DAB1: variants seen among roughly 807,000 people sequenced by gnomAD.
DAB1 encodes the protein disabled homolog 1.
A neutral mutation model predicts 64.6 loss-of-function variants in DAB1; 15 were observed. That is an observed-to-expected ratio of 0.23 (90% confidence interval 0.16 to 0.36). The LOEUF (loss-of-function observed/expected upper bound fraction) is 0.36. Among genes scored for constraint, DAB1 ranks in the 10% least tolerant of loss-of-function variants. The pLI is 1.00. For synonymous variants in DAB1, 235 were observed against 251.9 expected, an observed-to-expected ratio of 0.93 and a Z score of 0.64; for missense variants, 596 against 706.7, an observed-to-expected ratio of 0.84 and a Z score of 1.78.
At chr1:58,165,251 C>T (rs1655764239) in intron 4 of DAB1, among the ~76,000 whole-genome samples, 1 of 152,294 alleles carries the variant, frequency 6.6e-6, no homozygotes, top group African/African-American at 2.4e-5. Context: ...GCAGACTGAA[C>T]CTGCTCTGGT....
At chr1:57,545,063 T>C (rs796378758) in intron 7 of DAB1, among the ~76,000 whole-genome samples, 9 of 152,336 alleles carry the variant, frequency 5.9e-5, no homozygotes, top group African/African-American at 1.9e-4. Flanking sequence ...CTGTGTGACC[T>C]GACTCCTGGC....
chr1:57,811,011 C>T (rs982947036), intron 6 of DAB1, among the ~76,000 whole-genome samples: 8 of 152,194 alleles, frequency 5.3e-5, no homozygotes, highest in Non-Finnish European at 8.8e-5. Context: ...CTGGCCACAT[C>T]GCTCCAATCT....
At chr1:58,272,600 G>A (rs1450994479) in intron 4 of DAB1, among the ~76,000 whole-genome samples, 1 of 122,730 alleles carries the variant, frequency 8.1e-6, no homozygotes, top group Non-Finnish European at 1.7e-5. Context: ...CTGTCTCGTT[G>A]ATCTGTCTAA....
chr1:58,234,011 T>A (rs1411932636), intron 4 of DAB1, among the ~76,000 whole-genome samples: 1 of 152,220 alleles, frequency 6.6e-6, no homozygotes, highest in Non-Finnish European at 1.5e-5. Context: ...AGCTCAGTTC[T>A]CTTCAATTAG....
At chr1:58,410,769 A>G (rs1345767500) in intron 3 of DAB1, among the ~76,000 whole-genome samples, 2 of 152,244 alleles carry the variant, frequency 1.3e-5, no homozygotes, top group African/African-American at 4.8e-5. Flanking sequence ...ATACAGCCCA[A>G]GAATTAAAGT....
At chr1:57,362,177 T>C (rs1236707963) in intron 1 of DAB1, among the ~76,000 whole-genome samples, 1 of 152,156 alleles carries the variant, frequency 6.6e-6, no homozygotes, top group Non-Finnish European at 1.5e-5. Context: ...CTTGGGCAAG[T>C]CCTTAACCTA....
intron 6 of DAB1, among the ~76,000 whole-genome samples, chr1:57,820,615 G>A (rs1242264192): frequency 6.6e-6 from 1 of 152,116 alleles, no homozygotes; most frequent in South Asian, 2.1e-4. Context: ...TTCTACTCCA[G>A]ATTAATAGGA....
At chr1:57,269,280 A>G (rs1670811962) in intron 2 of DAB1, among the ~76,000 whole-genome samples, 2 of 152,130 alleles carry the variant, frequency 1.3e-5, no homozygotes, top group Admixed American at 6.5e-5. Flanking sequence ...CTTGCCATGC[A>G]GGGATGGAGG....
At chr1:58,029,853 T>C (rs1415865360) in intron 5 of DAB1, among the ~76,000 whole-genome samples, 3 of 152,114 alleles carry the variant, frequency 2.0e-5, no homozygotes, top group African/African-American at 7.2e-5. Flanking sequence ...TTAATAATAT[T>C]GGAAAATAGT....
At chr1:58,522,302 A>G (rs1272461871) in intron 2 of DAB1, among the ~76,000 whole-genome samples, 1 of 152,192 alleles carries the variant, frequency 6.6e-6, no homozygotes, top group East Asian at 1.9e-4. Flanking sequence ...ACATCTGCAC[A>G]TGTACCCTGG....
At chr1:58,505,444 T>C (rs1051495737) in intron 3 of DAB1, among the ~76,000 whole-genome samples, 1 of 152,148 alleles carries the variant, frequency 6.6e-6, no homozygotes, top group African/African-American at 2.4e-5. Context: ...ACATTCTGAA[T>C]GATGTCAACA....
At chr1:58,485,879 T>TA (rs1645568617) in intron 3 of DAB1, among the ~76,000 whole-genome samples, 1 of 152,162 alleles carries the variant, frequency 6.6e-6, no homozygotes, top group South Asian at 2.1e-4. Flanking sequence ...ATCATTATGA[T>TA]AAATGTCATA....
intron 1 of DAB1, among the ~76,000 whole-genome samples, chr1:57,400,991 C>T (rs1470089909): frequency 2.1e-5 from 2 of 94,028 alleles, no homozygotes; most frequent in East Asian, 2.2e-4. Flanking sequence ...AAAGCTCTCT[C>T]TTAAAAAAAA....
intron 7 of DAB1, among the ~76,000 whole-genome samples, chr1:57,488,015 T>C (rs1390385208): frequency 6.6e-6 from 1 of 152,214 alleles, no homozygotes; most frequent in East Asian, 1.9e-4. Context: ...CTATTGAGTA[T>C]ATCTAGTTAT....
In DAB1 at chr1:58,312,845, A is replaced by C. The variant is rs538847055; in HGVS notation, n.309+30507T>G. Among the ~76,000 whole-genome samples, 396 of 152,264 alleles carry C rather than the reference A, an allele frequency of 2.6e-3. 6 individuals carry two copies. Among genetic ancestry groups the C allele is most frequent in the African/African-American group, 8.5e-3 (353 of 41,556 alleles). On this transcript the variant is annotated intron_variant and non_coding_transcript_variant, in intron 4 of 20. Coordinates refer to the DAB1 transcript ENST00000485760. ...CTGTTCTTGGTTTCCTCATTTTGCAAGATAGCGTTGGCAGTACTACCTAAT... is the reference window on the plus strand; with the variant it reads ...CTGTTCTTGGTTTCCTCATTTTGCACGATAGCGTTGGCAGTACTACCTAAT...
At chr1:57,941,921 A>T (rs1645111952) in intron 5 of DAB1, among the ~76,000 whole-genome samples, 1 of 152,252 alleles carries the variant, frequency 6.6e-6, no homozygotes, top group Admixed American at 6.5e-5. Context: ...TCAGTGATGC[A>T]ATAACTCTTT....
intron 2 of DAB1, among the ~76,000 whole-genome samples, chr1:57,230,335 A>AAAAAAAAAAAC (rs1557985124): frequency 1.4e-5 from 2 of 145,518 alleles, no homozygotes. Context: ...AAAAAAAAAA[A>AAAAAAAAAAAC]AAAACAGCTG....
At chr1:57,130,263 G>A (rs1657536149) in intron 4 of DAB1, among the ~76,000 whole-genome samples, 1 of 152,036 alleles carries the variant, frequency 6.6e-6, no homozygotes, top group South Asian at 2.1e-4. Context: ...ACTATTCTAA[G>A]TCTTAGAGGA....
chr1:57,765,470 G>A (rs1040800547), intron 6 of DAB1, among the ~76,000 whole-genome samples: 29 of 152,236 alleles, frequency 1.9e-4, no homozygotes, highest in Admixed American at 6.5e-4. Context: ...CAAAATGCCC[G>A]CCTCTGAGGA....
Sources: allele counts gnomAD v4.1 joint callset (sites outside exome capture counted in the v4.1 genomes callset), GRCh38; gene constraint gnomAD v4.1.1; transcripts MANE v1.5; gene names NCBI Gene and HGNC (gene_info 2026-07-23, HGNC 2026-07-21).